NRXN3: variants seen among roughly 807,000 people sequenced by gnomAD.
NRXN3 encodes the protein neurexin III.
A neutral mutation model predicts 137.6 loss-of-function variants in NRXN3; 32 were observed. The ratio of observed to expected loss-of-function variants is 0.23; its 90% CI spans 0.18 to 0.31. NRXN3 has a LOEUF of 0.31. Among genes scored for constraint, NRXN3 ranks in the 10% least tolerant of loss-of-function variants. NRXN3 has a pLI of 1.00. For synonymous variants in NRXN3, 798 were observed against 784.5 expected, an observed-to-expected ratio of 1.02 and a Z score of -0.29; for missense variants, 1,574 against 2,062.5, an observed-to-expected ratio of 0.76 and a Z score of 4.59.
chr14:78,423,630 T>G (rs1456256230), intron 4 of NRXN3, among the ~76,000 whole-genome samples: 2 of 152,230 alleles, frequency 1.3e-5, no homozygotes, highest in Non-Finnish European at 2.9e-5. Context: ...TCAAGTAAAG[T>G]AGCCTTAGCT....
intron 6 of NRXN3, among the ~76,000 whole-genome samples, chr14:78,693,561 TATC>T (rs1475269524): frequency 1.3e-5 from 2 of 151,814 alleles, no homozygotes; most frequent in African/African-American, 2.4e-5. Context: ...CAAACACACA[TATC>T]ATCCCCAAGC....
At chr14:79,004,441 A>G (rs1320862638) in intron 15 of NRXN3, among the ~76,000 whole-genome samples, 1 of 152,112 alleles carries the variant, frequency 6.6e-6, no homozygotes, top group Admixed American at 6.5e-5. Context: ...GATGAGTTTC[A>G]CCATATTGCC....
At chr14:79,133,163 T>A (rs931910592) in intron 15 of NRXN3, among the ~76,000 whole-genome samples, 2 of 152,232 alleles carry the variant, frequency 1.3e-5, no homozygotes, top group Admixed American at 6.5e-5. Flanking sequence ...GTTGAAGATT[T>A]CCCATGAAGA....
chr14:79,057,512 G>C (rs1270637679), intron 15 of NRXN3, among the ~76,000 whole-genome samples: 1 of 152,204 alleles, frequency 6.6e-6, no homozygotes, highest in Admixed American at 6.5e-5. Flanking sequence ...AGGAGCCAAA[G>C]ATGGAATCCA....
chr14:78,179,810 G>GTTTTTTTTTTTTTTT, intron 1 of NRXN3, among the ~76,000 whole-genome samples: 1 of 28,860 alleles, frequency 3.5e-5, no homozygotes, highest in South Asian at 8.7e-4. Context: ...TTTGTTCTTT[G>GTTTTTTTTTTTTTTT]TTTTTTTTTT....
intron 18 of NRXN3, among the ~76,000 whole-genome samples, chr14:79,694,919 A>G (rs1215788783): frequency 1.3e-5 from 2 of 151,998 alleles, no homozygotes; most frequent in African/African-American, 2.4e-5. Context: ...AGCAAACAGA[A>G]AAGCAAACAC....
At chr14:79,689,605 G>A (rs2098708844) in intron 17 of NRXN3, among the ~76,000 whole-genome samples, 1 of 152,014 alleles carries the variant, frequency 6.6e-6, no homozygotes, top group Admixed American at 6.6e-5. Flanking sequence ...TTTTCTAAAT[G>A]TCTTTAAAGC....
intron 15 of NRXN3, among the ~76,000 whole-genome samples, chr14:79,401,908 C>A (rs1328208267): frequency 6.8e-6 from 1 of 146,304 alleles, no homozygotes; most frequent in Non-Finnish European, 1.5e-5. Context: ...CATTTTTTGT[C>A]TTTCTTTCTT....
chr14:79,847,417 C>T (rs1360230217), intron 20 of NRXN3, among the ~76,000 whole-genome samples: 2 of 151,950 alleles, frequency 1.3e-5, no homozygotes, highest in African/African-American at 4.8e-5. Context: ...GATTGTATTC[C>T]TTTTTTGGCA....
intron 10 of NRXN3, among the ~76,000 whole-genome samples, chr14:78,906,952 A>G (rs974205456): frequency 6.6e-6 from 1 of 151,992 alleles, no homozygotes; most frequent in Admixed American, 6.6e-5. Context: ...CCAACAGAAT[A>G]TGGTAAAATA....
At chr14:79,698,790 C>A (rs999204779) in intron 19 of NRXN3, among the ~76,000 whole-genome samples, 16 of 151,990 alleles carry the variant, frequency 1.1e-4, no homozygotes, top group African/African-American at 3.6e-4. Context: ...ATAGAAAAAT[C>A]AGTAGATTAG....
In NRXN3 at chr14:78,576,773, G is replaced by A. The variant is rs542595567; in HGVS notation, c.758-68347G>A. ...AGGTACTGCAGGGTTATGTGGCAAA[G>A]GGAAGGGTGAAAACTTGGGGCAAAA... On this transcript the variant is annotated intron_variant, in intron 4 of 20. Coordinates refer to ENST00000335750, the MANE Select transcript of NRXN3 (RefSeq NM_001330195.2). 1.4e-4 allele frequency among the ~76,000 whole-genome samples: 22 copies of A among 152,294 alleles called. No homozygotes were observed. In the East Asian group the frequency reaches 3.3e-3, roughly 23 times the overall value.
At chr14:79,276,196 G>A (rs113659219) in intron 15 of NRXN3, among the ~76,000 whole-genome samples, 1 of 152,148 alleles carries the variant, frequency 6.6e-6, no homozygotes, top group African/African-American at 2.4e-5. Context: ...TGTATTTAAT[G>A]TGTTAGACTA....
chr14:79,608,126 A>T (rs2098047012), intron 16 of NRXN3, among the ~76,000 whole-genome samples: 1 of 152,130 alleles, frequency 6.6e-6, no homozygotes, highest in African/African-American at 2.4e-5. Context: ...TTTTCAACAT[A>T]GTGCCTGTGT....
At chr14:79,474,095 T>C (rs1335791688) in intron 16 of NRXN3, among the ~76,000 whole-genome samples, 2 of 152,134 alleles carry the variant, frequency 1.3e-5, no homozygotes, top group Non-Finnish European at 2.9e-5. Context: ...TGTGCTTAAT[T>C]TGAAACCAAA....
chr14:78,319,697 CT>C (rs2079107179), intron 4 of NRXN3, among the ~76,000 whole-genome samples: 1 of 152,152 alleles, frequency 6.6e-6, no homozygotes, highest in Non-Finnish European at 1.5e-5. Context: ...GGCTGCAGCC[CT>C]GGACATGGGG....
chr14:79,059,835 G>A (rs1028934137), intron 15 of NRXN3, among the ~76,000 whole-genome samples: 7 of 152,340 alleles, frequency 4.6e-5, no homozygotes, highest in African/African-American at 1.7e-4. Flanking sequence ...GAGATGAACA[G>A]AGGGAGAGAT....
chr14:78,637,702 A>G (rs1416595524), intron 4 of NRXN3, among the ~76,000 whole-genome samples: 1 of 152,260 alleles, frequency 6.6e-6, no homozygotes, highest in African/African-American at 2.4e-5. Context: ...ATCACAGTTC[A>G]TAATGTAAGT....
intron 20 of NRXN3, among the ~76,000 whole-genome samples, chr14:79,829,311 G>A (rs1380332511): frequency 6.6e-6 from 1 of 152,216 alleles, no homozygotes; most frequent in African/African-American, 2.4e-5. Flanking sequence ...TACCACAAGA[G>A]CTTTCTAAGT....
Sources: allele counts gnomAD v4.1 joint callset (sites outside exome capture counted in the v4.1 genomes callset), GRCh38; gene constraint gnomAD v4.1.1; transcripts MANE v1.5; gene names NCBI Gene and HGNC (gene_info 2026-07-23, HGNC 2026-07-21).